LINGO2: variants seen among roughly 807,000 people sequenced by gnomAD.
LINGO2 encodes the protein leucine-rich repeat and immunoglobulin-like domain-containing nogo receptor-interacting protein 2.
A neutral mutation model predicts 30.6 loss-of-function variants in LINGO2; 14 were observed. The observed-to-expected ratio is 0.46, with a 90% confidence interval of 0.30 to 0.72. The LOEUF (loss-of-function observed/expected upper bound fraction) is 0.72. LINGO2 is among the 30% of genes least tolerant of loss of function. The pLI is 0.07. For synonymous variants in LINGO2, 317 were observed against 288.5 expected (o/e 1.10, Z -1.00); for missense variants, 729 against 751.7 (o/e 0.97, Z 0.35).
intron 4 of LINGO2, among the ~76,000 whole-genome samples, chr9:28,039,730 T>G (rs1824112235): frequency 6.6e-6 from 1 of 152,144 alleles, no homozygotes; most frequent in Non-Finnish European, 1.5e-5. Context: ...CTGATGTCAT[T>G]TCATCAGGCA....
chr9:28,669,053 T>C (rs1320362719), intron 1 of LINGO2, among the ~76,000 whole-genome samples: 1 of 152,124 alleles, frequency 6.6e-6, no homozygotes, highest in Non-Finnish European at 1.5e-5. Flanking sequence ...CTGTTTAATT[T>C]ACCCTAGTTA....
the LINGO2 span, among the ~76,000 whole-genome samples, chr9:29,059,966 C>A: frequency 5.3e-5 from 8 of 152,148 alleles, no homozygotes; most frequent in African/African-American, 1.7e-4. Flanking sequence ...TTCTCTCTCT[C>A]ATTGATTACA....
intron 1 of LINGO2, among the ~76,000 whole-genome samples, chr9:28,664,681 A>G (rs762093039): frequency 6.6e-5 from 10 of 152,058 alleles, no homozygotes; most frequent in Non-Finnish European, 1.3e-4. Flanking sequence ...CAATGAGATC[A>G]TCATATCCTC....
chr9:28,360,701 T>G (rs1339332289), intron 3 of LINGO2, among the ~76,000 whole-genome samples: 4 of 152,162 alleles, frequency 2.6e-5, no homozygotes, highest in Non-Finnish European at 4.4e-5. Flanking sequence ...TTTAATTGTA[T>G]TCCTTTTAAC....
the LINGO2 span, among the ~76,000 whole-genome samples, chr9:28,984,406 C>A: frequency 6.6e-6 from 1 of 152,038 alleles, no homozygotes; most frequent in African/African-American, 2.4e-5. Context: ...AAAAAATCTA[C>A]TGTTTTAATT....
At chr9:29,146,621 G>T in the LINGO2 span, among the ~76,000 whole-genome samples, 1 of 152,104 alleles carries the variant, frequency 6.6e-6, no homozygotes. Context: ...TATTTTAAAA[G>T]AAAAATGTGG....
At chr9:28,070,771 G>A (rs995667524) in intron 4 of LINGO2, among the ~76,000 whole-genome samples, 1 of 152,092 alleles carries the variant, frequency 6.6e-6, no homozygotes, top group African/African-American at 2.4e-5. Flanking sequence ...GAGTGCAGTG[G>A]CATGATCACA....
chr9:28,357,407 G>A (rs534404342), intron 3 of LINGO2, among the ~76,000 whole-genome samples: 29 of 148,854 alleles, frequency 1.9e-4, no homozygotes, highest in African/African-American at 6.7e-4. Context: ...CTAATTTGGA[G>A]CAAATATTTA....
At chr9:28,621,350 A>G (rs1220873723) in intron 1 of LINGO2, among the ~76,000 whole-genome samples, 1 of 151,982 alleles carries the variant, frequency 6.6e-6, no homozygotes, top group Non-Finnish European at 1.5e-5. Context: ...GAGTCATACC[A>G]TAACAAGATA....
the LINGO2 span, among the ~76,000 whole-genome samples, chr9:28,797,329 C>CATATATATATATAT: frequency 3.0e-4 from 20 of 65,944 alleles, no homozygotes; most frequent in South Asian, 8.8e-4. Context: ...ATCATATATA[C>CATATATATATATAT]ATATATATAT....
chr9:29,123,414 T>C, the LINGO2 span, among the ~76,000 whole-genome samples: 8 of 152,094 alleles, frequency 5.3e-5, no homozygotes, highest in Non-Finnish European at 8.8e-5. Context: ...TTAGAGAAGC[T>C]AGGAATATTA....
chr9:28,134,610 G>A (rs1452185242), intron 4 of LINGO2, among the ~76,000 whole-genome samples: 1 of 152,180 alleles, frequency 6.6e-6, no homozygotes, highest in Non-Finnish European at 1.5e-5. Flanking sequence ...CACTCTCTAA[G>A]AGTAAGGAAT....
chr9:28,938,430 A>C, the LINGO2 span, among the ~76,000 whole-genome samples: 1 of 152,098 alleles, frequency 6.6e-6, no homozygotes, highest in East Asian at 1.9e-4. Context: ...CATTTTACTT[A>C]TGAGTATTAT....
intron 1 of LINGO2, among the ~76,000 whole-genome samples, chr9:28,636,313 T>A (rs1163059977): frequency 1.3e-5 from 2 of 152,076 alleles, no homozygotes; most frequent in African/African-American, 4.8e-5. Flanking sequence ...TAGCAGCATG[T>A]TTTATAATCC....
intron 4 of LINGO2, among the ~76,000 whole-genome samples, chr9:28,162,057 T>A (rs1828302680): frequency 6.6e-6 from 1 of 152,176 alleles, no homozygotes; most frequent in Admixed American, 6.6e-5. Flanking sequence ...TATCTTATAT[T>A]CTAAAAATAC....
At chr9:28,676,112 G>C in the LINGO2 span, among the ~76,000 whole-genome samples, 1 of 150,430 alleles carries the variant, frequency 6.6e-6, no homozygotes, top group African/African-American at 2.4e-5. Context: ...TTTTCCATTA[G>C]AATAGAAAAA....
At chr9:28,149,738 G>T (rs1326091956) in intron 4 of LINGO2, among the ~76,000 whole-genome samples, 1 of 148,782 alleles carries the variant, frequency 6.7e-6, no homozygotes, top group Non-Finnish European at 1.5e-5. Flanking sequence ...GAGCGCCTCT[G>T]CCCAGCTGCC....
chr9:28,537,424 T>C (rs1564274730), intron 1 of LINGO2, among the ~76,000 whole-genome samples: 1 of 152,174 alleles, frequency 6.6e-6, no homozygotes, highest in Non-Finnish European at 1.5e-5. Context: ...TTGACTCTTT[T>C]GAGGCTTTCC....
chr9:28,409,709 T>A lies in LINGO2; in HGVS notation c.-278-36841A>T, dbSNP rs113572225. ...GAGCATCAGGATCACACACTAATAATGTCCAGGTTATTATCTGGTGCAGTT... is the reference window on the plus strand; with the variant it reads ...GAGCATCAGGATCACACACTAATAAAGTCCAGGTTATTATCTGGTGCAGTT... On this transcript the variant is annotated intron_variant, in intron 2 of 5. Transcript: ENST00000379992. 1.9e-3 allele frequency among the ~76,000 whole-genome samples: 285 copies of A among 151,904 alleles called. 2 individuals are homozygous for A. Among genetic ancestry groups the A allele is most frequent in the African/African-American group, 6.6e-3 (275 of 41,426 alleles).
Sources: gnomAD v4.1 joint callset for allele counts (sites outside exome capture counted in the v4.1 genomes callset) on GRCh38, gnomAD v4.1.1 for gene constraint, MANE v1.5 for transcripts, NCBI Gene and HGNC (gene_info 2026-07-23, HGNC 2026-07-21) for gene names.